Variants in SNTG2 observed in about 807,000 individuals in gnomAD.
SNTG2 encodes the protein syntrophin gamma 2, also known as gamma-2-syntrophin.
SNTG2 carries 74 observed loss-of-function variants against 70.9 expected under a neutral mutation model. The ratio of observed to expected loss-of-function variants is 1.04; its 90% confidence interval spans 0.86 to 1.27. The LOEUF (loss-of-function observed/expected upper bound fraction) is 1.27, where lower values mean the gene tolerates loss of function less well. Ranked by LOEUF, SNTG2 falls within the 50% of genes most tolerant of loss-of-function variation. The pLI, the probability that SNTG2 is intolerant of heterozygous loss-of-function variation, is 0.00. For synonymous variants in SNTG2, 278 were observed against 273.8 expected, an observed-to-expected ratio of 1.02 and a Z score of -0.15; for missense variants, 717 against 690.7, an observed-to-expected ratio of 1.04 and a Z score of -0.43.
At chr2:1,171,265 A>T (rs1372781185) in intron 7 of SNTG2, among the ~76,000 whole-genome samples, 2 of 152,234 alleles carry the variant, frequency 1.3e-5, no homozygotes, top group East Asian at 3.9e-4. Flanking sequence ...AGAAATTTAG[A>T]GTGGAAGCGT....
At chr2:1,065,724 TA>T (rs1553317697) in intron 1 of SNTG2, among the ~76,000 whole-genome samples, 2 of 29,664 alleles carry the variant, frequency 6.7e-5, no homozygotes, top group Admixed American at 8.1e-4. Flanking sequence ...AATTTGCAGT[TA>T]TTTTTTGTAT....
At chr2:964,546 A>G (rs779639622) in intron 1 of SNTG2, among the ~76,000 whole-genome samples, 2 of 152,102 alleles carry the variant, frequency 1.3e-5, no homozygotes, top group Non-Finnish European at 2.9e-5. Flanking sequence ...ACCCCATGAG[A>G]AGGATGGGAG....
At chr2:1,123,149 A>G (rs1025689624) in intron 4 of SNTG2, among the ~76,000 whole-genome samples, 4 of 152,178 alleles carry the variant, frequency 2.6e-5, no homozygotes, top group Non-Finnish European at 4.4e-5. Context: ...AGCCAAAGTT[A>G]TATATAGATT....
At chr2:1,118,104 C>T (rs576191938) in intron 4 of SNTG2, among the ~76,000 whole-genome samples, 1 of 152,182 alleles carries the variant, frequency 6.6e-6, no homozygotes, top group South Asian at 2.1e-4. Flanking sequence ...CAATCTGAAG[C>T]CACCTGAGCC....
intron 16 of SNTG2, among the ~76,000 whole-genome samples, chr2:1,323,830 G>T (rs1308715290): frequency 6.6e-6 from 1 of 151,138 alleles, no homozygotes; most frequent in Non-Finnish European, 1.5e-5. Context: ...ATGCCCCCCA[G>T]TAGTCTGGGA....
chr2:1,334,031 G>A (rs745477733), intron 16 of SNTG2, among the ~76,000 whole-genome samples: 27 of 152,220 alleles, frequency 1.8e-4, no homozygotes, highest in African/African-American at 2.9e-4. Flanking sequence ...TAAAATCTTC[G>A]CAATCTATAT....
intron 15 of SNTG2, among the ~76,000 whole-genome samples, chr2:1,311,418 G>T (rs1680982840): frequency 6.6e-6 from 1 of 152,180 alleles, no homozygotes; most frequent in African/African-American, 2.4e-5. Context: ...GTTTATTTTA[G>T]AATTTGCAAT....
At chr2:1,154,949 A>C (rs1669762209) in intron 6 of SNTG2, among the ~76,000 whole-genome samples, 1 of 66,008 alleles carries the variant, frequency 1.5e-5, no homozygotes, top group African/African-American at 5.3e-5. Flanking sequence ...ACACACATAA[A>C]CTCACACCAC....
chr2:1,266,269 T>C (rs1678725714), intron 13 of SNTG2, among the ~76,000 whole-genome samples: 1 of 152,018 alleles, frequency 6.6e-6, no homozygotes, highest in African/African-American at 2.4e-5. Context: ...GACCTAGTAA[T>C]TGTGACAACT....
chr2:1,086,991 G>C (rs1664722147), intron 2 of SNTG2, among the ~76,000 whole-genome samples: 1 of 152,118 alleles, frequency 6.6e-6, no homozygotes, highest in Non-Finnish European at 1.5e-5. Context: ...AGAGAGCTGG[G>C]AAACATGGAG....
chr2:1,253,649 A>G (rs1677887101), intron 12 of SNTG2, among the ~76,000 whole-genome samples: 1 of 152,220 alleles, frequency 6.6e-6, no homozygotes, highest in African/African-American at 2.4e-5. Context: ...GAAGGAGAAT[A>G]GAGAAAAGAA....
intron 6 of SNTG2, chr2:1,163,472 G>GCCTCCCAACAGGAAGTGGGCATGTGAGA (rs1486647835): frequency 2.6e-5 from 4 of 151,628 alleles, no homozygotes; most frequent in Non-Finnish European, 4.4e-5. Flanking sequence ...GGTGTGTGAG[G>GCCTCCCAACAGGAAGTGGGCATGTGAGA]CCTCCCAACA....
intron 14 of SNTG2, among the ~76,000 whole-genome samples, chr2:1,278,501 G>A (rs938115889): frequency 6.6e-6 from 1 of 152,190 alleles, no homozygotes; most frequent in Non-Finnish European, 1.5e-5. Flanking sequence ...GAGGTATGTT[G>A]TTACCTGACC....
At chr2:1,365,185 T>A (rs1167175883) in intron 16 of SNTG2, among the ~76,000 whole-genome samples, 1 of 152,112 alleles carries the variant, frequency 6.6e-6, no homozygotes, top group Non-Finnish European at 1.5e-5. Flanking sequence ...CAGCTTGAAT[T>A]AAAGTTTAAC....
intron 1 of SNTG2, among the ~76,000 whole-genome samples, chr2:1,067,616 G>A (rs1315853593): frequency 3.9e-5 from 6 of 152,160 alleles, no homozygotes; most frequent in Admixed American, 3.9e-4. Flanking sequence ...CTCAAAGAGA[G>A]CAAGGGGACC....
intron 2 of SNTG2, among the ~76,000 whole-genome samples, chr2:1,085,386 G>C (rs1386368018): frequency 6.6e-6 from 1 of 152,150 alleles, no homozygotes; most frequent in African/African-American, 2.4e-5. Flanking sequence ...GAAAATGAAA[G>C]ACTCCTTAAG....
chr2:1,245,846 G>A (rs1468099837), intron 11 of SNTG2, among the ~76,000 whole-genome samples: 1 of 152,208 alleles, frequency 6.6e-6, no homozygotes, highest in Non-Finnish European at 1.5e-5. Context: ...AGTGCCTTAT[G>A]AGGGATTCCT....
intron 1 of SNTG2, among the ~76,000 whole-genome samples, chr2:971,719 T>C (rs1461994449): frequency 6.6e-6 from 1 of 151,898 alleles, no homozygotes; most frequent in Non-Finnish European, 1.5e-5. Context: ...TCCTCCTTTT[T>C]TTTTTTCTCA....
chr2:1,289,427 G>A (rs1238624465), intron 14 of SNTG2, among the ~76,000 whole-genome samples: 5 of 151,988 alleles, frequency 3.3e-5, no homozygotes, highest in South Asian at 2.1e-4. Flanking sequence ...CCCTTCCTCC[G>A]TCTCACTCCT....
Sources: allele counts gnomAD v4.1 joint callset (sites outside exome capture counted in the v4.1 genomes callset), GRCh38; gene constraint gnomAD v4.1.1; transcripts MANE v1.5; gene names NCBI Gene and HGNC (gene_info 2026-07-23, HGNC 2026-07-21).